KCNB2: variants seen among roughly 807,000 people sequenced by gnomAD.
The protein encoded by KCNB2 is potassium voltage-gated channel subfamily B member 2.
A neutral mutation model predicts 61.5 loss-of-function variants in KCNB2; 15 were observed. The ratio of observed to expected loss-of-function variants is 0.24; its 90% CI spans 0.16 to 0.38. The LOEUF is 0.38. KCNB2 is among the 10% of genes least tolerant of loss of function. KCNB2 has a pLI of 1.00. For synonymous variants in KCNB2, 457 were observed against 446.0 expected (o/e 1.02, Z -0.31); for missense variants, 828 against 1,125.2 (o/e 0.74, Z 3.78).
At chr8:72,860,096 G>A (rs774534576) in intron 2 of KCNB2, among the ~76,000 whole-genome samples, 5 of 152,074 alleles carry the variant, frequency 3.3e-5, no homozygotes, top group Non-Finnish European at 7.4e-5. Flanking sequence ...TAGCTGATGG[G>A]CATTTATGTT....
chr8:72,908,099 T>C (rs1241969292), intron 2 of KCNB2, among the ~76,000 whole-genome samples: 1 of 152,170 alleles, frequency 6.6e-6, no homozygotes, highest in Non-Finnish European at 1.5e-5. Flanking sequence ...CTTGGGTATT[T>C]TTTTTCACCT....
At chr8:72,640,268 G>A (rs1177255294) in intron 2 of KCNB2, among the ~76,000 whole-genome samples, 2 of 152,088 alleles carry the variant, frequency 1.3e-5, no homozygotes, top group Admixed American at 1.3e-4. Flanking sequence ...TAATGGAAAG[G>A]TGCCTGTGCC....
chr8:72,789,726 G>T (rs910248801), intron 2 of KCNB2, among the ~76,000 whole-genome samples: 3 of 152,012 alleles, frequency 2.0e-5, no homozygotes, highest in African/African-American at 7.2e-5. Flanking sequence ...TTTTGTTAGG[G>T]CACTCTGATG....
chr8:72,565,950 G>A (rs1472680042), intron 1 of KCNB2, among the ~76,000 whole-genome samples: 2 of 152,204 alleles, frequency 1.3e-5, no homozygotes, highest in African/African-American at 4.8e-5. Context: ...TATGGGAAAG[G>A]TATGTTGCAA....
intron 2 of KCNB2, among the ~76,000 whole-genome samples, chr8:72,651,952 A>G (rs1209710762): frequency 4.6e-5 from 7 of 152,112 alleles, no homozygotes; most frequent in Non-Finnish European, 1.0e-4. Flanking sequence ...TTGGTAAATG[A>G]TACTACCTAG....
chr8:72,872,064 G>T (rs184500843), intron 2 of KCNB2, among the ~76,000 whole-genome samples: 1 of 152,158 alleles, frequency 6.6e-6, no homozygotes, highest in Non-Finnish European at 1.5e-5. Context: ...GCCCTTCCAT[G>T]TCCAAGAACA....
chr8:72,647,459 C>T (rs1263403416), intron 2 of KCNB2, among the ~76,000 whole-genome samples: 1 of 152,072 alleles, frequency 6.6e-6, no homozygotes, highest in Admixed American at 6.6e-5. Context: ...TTTGCACATA[C>T]ATTAATTGAA....
chr8:72,627,870 A>G (rs1805814303), intron 2 of KCNB2, among the ~76,000 whole-genome samples: 1 of 152,118 alleles, frequency 6.6e-6, no homozygotes, highest in South Asian at 2.1e-4. Context: ...GTATTTATGT[A>G]TTTCTTAACA....
At chr8:72,701,710 A>G (rs1386956166) in intron 2 of KCNB2, among the ~76,000 whole-genome samples, 2 of 152,208 alleles carry the variant, frequency 1.3e-5, no homozygotes, top group African/African-American at 4.8e-5. Context: ...AGGTATAAGG[A>G]CATTAATTGA....
At chr8:72,558,792 GT>G (rs1806467144) in intron 1 of KCNB2, among the ~76,000 whole-genome samples, 1 of 150,824 alleles carries the variant, frequency 6.6e-6, no homozygotes, top group Non-Finnish European at 1.5e-5. Context: ...TATAATTGAT[GT>G]TGTGACAAAT....
At chr8:72,839,675 C>T (rs1383532720) in intron 2 of KCNB2, among the ~76,000 whole-genome samples, 2 of 135,110 alleles carry the variant, frequency 1.5e-5, no homozygotes, top group Non-Finnish European at 1.5e-5. Context: ...TGCAGTGGCG[C>T]GATCTCGGCT....
intron 2 of KCNB2, among the ~76,000 whole-genome samples, chr8:72,800,554 G>A (rs988642154): frequency 2.0e-5 from 3 of 152,110 alleles, no homozygotes; most frequent in Non-Finnish European, 2.9e-5. Context: ...ACTTGAATCA[G>A]TGCCTACCTC....
At chr8:72,805,943 C>G (rs1457386048) in intron 2 of KCNB2, among the ~76,000 whole-genome samples, 1 of 152,182 alleles carries the variant, frequency 6.6e-6, no homozygotes, top group Admixed American at 6.5e-5. Context: ...AGACCTGGCT[C>G]TAGTCCTGGC....
chr8:72,763,413 A>T (rs548606403), intron 2 of KCNB2, among the ~76,000 whole-genome samples: 1 of 152,078 alleles, frequency 6.6e-6, no homozygotes, highest in African/African-American at 2.4e-5. Context: ...CTCTGGCTAC[A>T]TGTTGACAGA....
At chr8:72,695,693 T>C (rs1203498137) in intron 2 of KCNB2, among the ~76,000 whole-genome samples, 1 of 152,202 alleles carries the variant, frequency 6.6e-6, no homozygotes, top group Non-Finnish European at 1.5e-5. Context: ...CCTACTCTTT[T>C]TTTTTCTGGC....
At chr8:72,752,707 T>C (rs1320200787) in intron 2 of KCNB2, among the ~76,000 whole-genome samples, 1 of 152,228 alleles carries the variant, frequency 6.6e-6, no homozygotes, top group African/African-American at 2.4e-5. Flanking sequence ...TAATTTCTTA[T>C]TTTATATGCA....
At chr8:72,681,303 A>G (rs1806747487) in intron 2 of KCNB2, among the ~76,000 whole-genome samples, 3 of 152,244 alleles carry the variant, frequency 2.0e-5, no homozygotes, top group African/African-American at 7.2e-5. Context: ...CAACAAAAAA[A>G]GACAGCTTTT....
chr8:72,680,932 A>G (rs1018943495), intron 2 of KCNB2, among the ~76,000 whole-genome samples: 3 of 152,184 alleles, frequency 2.0e-5, no homozygotes, highest in African/African-American at 7.2e-5. Flanking sequence ...TGTAAAGATT[A>G]GATATATTAA....
intron 2 of KCNB2, among the ~76,000 whole-genome samples, chr8:72,932,115 G>A (rs924502659): frequency 6.6e-6 from 1 of 152,160 alleles, no homozygotes; most frequent in Non-Finnish European, 1.5e-5. Context: ...CCAAACCAAG[G>A]GTGAGGCTGC....
Sources: allele counts gnomAD v4.1 joint callset (sites outside exome capture counted in the v4.1 genomes callset), GRCh38; gene constraint gnomAD v4.1.1; transcripts MANE v1.5; gene names NCBI Gene and HGNC (gene_info 2026-07-23, HGNC 2026-07-21).